Variants in PATL1 observed in about 807,000 individuals in gnomAD.
The protein encoded by PATL1 is protein PAT1 homolog 1.
In PATL1, 32 loss-of-function variants were observed where a neutral mutation model predicts 100.6. That is an observed-to-expected ratio of 0.32 (90% CI 0.24 to 0.43). The LOEUF (loss-of-function observed/expected upper bound fraction) is 0.43, where lower values mean the gene tolerates loss of function less well. PATL1 is among the 20% of genes least tolerant of loss of function. The pLI, the probability that PATL1 is intolerant of heterozygous loss-of-function variation, is 1.00. For missense variants in PATL1, 747 were observed against 949.9 expected (o/e 0.79, Z 2.81); for synonymous variants, 332 against 330.0 (o/e 1.01, Z -0.07).
At chr11:59,652,417 T>C (rs745508488) in intron 11 of PATL1, 47 bp downstream of exon 11, 10 of 1,578,780 alleles carry the variant, frequency 6.3e-6, no homozygotes, top group African/African-American at 1.4e-5. Flanking sequence ...CATCAGCAGC[T>C]TCTCAAATTT....
chr11:59,657,805 C>T (rs1467310758), intron 4 of PATL1, 81 bp from the exon 5 acceptor site: 18 of 1,073,382 alleles, frequency 1.7e-5, no homozygotes, highest in East Asian at 2.9e-5. Flanking sequence ...CCAAAAATAC[C>T]TTAAGAAATT....
intron 2 of PATL1, among the ~76,000 whole-genome samples, chr11:59,663,722 C>A (rs1039622588): frequency 6.6e-6 from 1 of 152,014 alleles, no homozygotes; most frequent in Non-Finnish European, 1.5e-5. Flanking sequence ...TTTTTTCATG[C>A]AGAAGACTAG....
intron 16 of PATL1, among the ~76,000 whole-genome samples, chr11:59,641,081 G>A (rs1590693275): frequency 6.6e-6 from 1 of 152,018 alleles, no homozygotes; most frequent in Admixed American, 6.6e-5. Flanking sequence ...TGACGCAGGA[G>A]AACTGCTTGA....
intron 12 of PATL1, 82 bp from the exon 13 acceptor site, chr11:59,650,895 G>C (rs1565132703): frequency 2.1e-6 from 2 of 931,104 alleles, no homozygotes; most frequent in South Asian, 3.2e-5. Flanking sequence ...AGGTTCATTT[G>C]TGACAATACT....
intron 15 of PATL1, 28 bp from the exon 16 acceptor site, chr11:59,643,063 T>C: frequency 1.2e-6 from 2 of 1,607,496 alleles, no homozygotes; most frequent in Non-Finnish European, 1.7e-6. Flanking sequence ...AAGCATTATA[T>C]CCTGGCACGT....
intron 9 of PATL1, 79 bp from the exon 10 acceptor site, chr11:59,653,097 G>GTTTTTT: frequency 6.7e-6 from 6 of 894,306 alleles, no homozygotes; most frequent in African/African-American, 1.8e-5. Flanking sequence ...AACCAGGCCA[G>GTTTTTT]TTTTTTTTTT....
rs1180431978 is a variant in PATL1 at position 59,658,890 on chromosome 11, T to A, written c.402A>T (p.Arg134=). The A allele has an allele frequency of 6.5e-7, 1 of 1,549,500 alleles. No homozygotes were observed. Among genetic ancestry groups the A allele is most frequent in the Admixed American group, 2.0e-5 (1 of 50,508 alleles). The change falls in exon 4 of 19, where the codon CGA becomes CGT. Residue 134 remains arginine, a synonymous_variant. Transcript: ENST00000300146. ...SIWDGSEVLR[R]IRGPLLAQEM... The stretch of plus-strand genomic sequence containing the variant: ...CCTGAGCAAGCAGTGGTCCTCGGAT[T>A]CGCCTCAGAACTTCAGATCCATCCC...
chr11:59,648,870 A>C lies in PATL1; in HGVS notation c.1733+592T>G, dbSNP rs142405316. 8.8e-3 allele frequency among the ~76,000 whole-genome samples: 1,336 copies of C among 152,342 alleles called. 9 individuals carry two copies. The highest frequency in any genetic ancestry group is 0.025 in the South Asian group (120 of 4,828). On this transcript the variant is annotated intron_variant, in intron 14 of 18. Coordinates refer to ENST00000300146, the MANE Select transcript of PATL1 (RefSeq NM_152716.3). ...TATGTCCTGGCTTAGAAGGATAAGT[A>C]ATTCTCTTGAACGGGTAAAAAGAAA...
chr11:59,639,373 G>T lies in PATL1; in HGVS notation c.2060C>A (p.Ser687Ter). 6.5e-7 allele frequency: 1 copy of T among 1,549,902 alleles called. No homozygotes were observed. The highest frequency in any genetic ancestry group is 1.2e-5 in the South Asian group (1 of 83,960). Residue 687 changes from serine to a stop codon, truncating the protein, a stop_gained, in exon 17 of 19, where the codon TCA (serine) becomes TAA (stop). Transcript: ENST00000300146. LOFTEE classifies it high-confidence loss of function. ...ACGGCTCAGGAGGATGAGGAGCAGT[G>T]ACAGGCCAAACTACGAGAAAAGACA... The part of the protein sequence containing the change: ...TAVLQNKFGL[S>*]LLLILLSRGE...
At chr11:59,647,665 G>A in intron 15 of PATL1, 89 bp downstream of exon 15, 3 of 1,346,816 alleles carry the variant, frequency 2.2e-6, no homozygotes, top group Non-Finnish European at 3.1e-6. Flanking sequence ...AAATACAAAA[G>A]GGAAGAGGAG....
chr11:59,663,742 G>A (rs1212386261), intron 2 of PATL1, among the ~76,000 whole-genome samples: 1 of 152,038 alleles, frequency 6.6e-6, no homozygotes, highest in Non-Finnish European at 1.5e-5. Flanking sequence ...GTTTCTTAAG[G>A]AAAGGTGACC....
chr11:59,659,207 A>G (rs1190235702), intron 3 of PATL1, 45 bp downstream of exon 3: 1 of 1,502,350 alleles, frequency 6.7e-7, no homozygotes, highest in Admixed American at 2.0e-5. Context: ...ACTTCACTTT[A>G]ATTTTTAGTC....
At chr11:59,659,593 G>A (rs143456554) in intron 2 of PATL1, 124 bp from the exon 3 acceptor site, 33,333 of 871,578 alleles carry the variant, frequency 0.038, 840 homozygotes, top group Non-Finnish European at 0.042. Context: ...GTGCAGTGGC[G>A]TGATCTCGGC....
chr11:59,639,431 T>C (rs1861243186), intron 16 of PATL1, 48 bp from the exon 17 acceptor site: 3 of 1,400,270 alleles, frequency 2.1e-6, no homozygotes, highest in Non-Finnish European at 3.0e-6. Context: ...TGTCTAAACC[T>C]CCTCCACCAC....
rs747703894 is a variant in PATL1 at position 59,651,651 on chromosome 11, CAAAA to C, written c.1427-14_1427-11del. 12 of 1,236,868 alleles carry C rather than the reference CAAAA, an allele frequency of 9.7e-6. No homozygotes were observed. Among genetic ancestry groups the C allele is most frequent in the South Asian group, 4.3e-5 (3 of 70,350 alleles). The allele number at this position is 1,236,868 out of a possible 1,614,324, so 76.6% of individuals were successfully genotyped here. ...GAGCCCTCAAATTGCACTGCAAAGACAAAAAAAAAAAAAATTCCAACAAAATAAA... is the reference window on the plus strand; with the variant it reads ...GAGCCCTCAAATTGCACTGCAAAGACAAAAAAAAAATTCCAACAAAATAAA... On this transcript the variant is annotated splice_polypyrimidine_tract_variant and intron_variant, in intron 11 of 18. Coordinates refer to ENST00000300146, the MANE Select transcript of PATL1 (RefSeq NM_152716.3).
At chr11:59,666,997 G>T (rs1332734730) in intron 1 of PATL1, 33 bp from the exon 2 acceptor site, 2 of 1,528,648 alleles carry the variant, frequency 1.3e-6, no homozygotes, top group Non-Finnish European at 1.8e-6. Context: ...AGTTATTCAT[G>T]AAATTCACAC....
chr11:59,651,517 TAAAC>T, intron 12 of PATL1, 23 bp downstream of exon 12: 2 of 1,557,144 alleles, frequency 1.3e-6, no homozygotes, highest in Non-Finnish European at 1.8e-6. Flanking sequence ...CAGACGTTCT[TAAAC>T]AGACAATTGT....
At position 59,651,652 on chromosome 11, in the gene PATL1, A is replaced by G; in HGVS notation, c.1427-11T>C. On this transcript the variant is annotated splice_polypyrimidine_tract_variant and intron_variant, in intron 11 of 18. Coordinates refer to ENST00000300146, the MANE Select transcript of PATL1 (RefSeq NM_152716.3). ...AGCCCTCAAATTGCACTGCAAAGACAAAAAAAAAAAAAATTCCAACAAAAT... is the reference window on the plus strand; with the variant it reads ...AGCCCTCAAATTGCACTGCAAAGACGAAAAAAAAAAAAATTCCAACAAAAT... 2.6e-6 allele frequency: 1 copy of G among 387,808 alleles called. No individual in the cohort carries two copies. Among genetic ancestry groups the G allele is most frequent in the East Asian group, 9.2e-5 (1 of 10,892 alleles). 24.0% of individuals were successfully genotyped at this position (387,808 alleles called of 1,614,324 possible).
chr11:59,663,751 C>G (rs1294287220), intron 2 of PATL1, among the ~76,000 whole-genome samples: 1 of 151,898 alleles, frequency 6.6e-6, no homozygotes, highest in East Asian at 1.9e-4. Flanking sequence ...GGAAAGGTGA[C>G]CATTTGTAGC....
Sources: allele counts gnomAD v4.1 joint callset (sites outside exome capture counted in the v4.1 genomes callset), GRCh38; gene constraint gnomAD v4.1.1; transcripts MANE v1.5; gene names NCBI Gene and HGNC (gene_info 2026-07-23, HGNC 2026-07-21).